The following POLN variants were observed in gnomAD, a reference collection of about 807,000 sequenced individuals.
POLN encodes DNA polymerase nu.
A neutral mutation model predicts 113.5 loss-of-function variants in POLN; 108 were observed. That is an observed-to-expected ratio of 0.95 (90% CI 0.81 to 1.12). The LOEUF is 1.12. Ranked by LOEUF, POLN falls within the 50% of genes most tolerant of loss-of-function variation. The probability of loss-of-function intolerance (pLI) is 0.00; values close to 1 mark genes in which losing one functional copy is unlikely to be tolerated. For synonymous variants in POLN, 386 were observed against 391.5 expected (o/e 0.99, Z 0.17); for missense variants, 1,097 against 1,077.1 (o/e 1.02, Z -0.26).
chr4:2,215,096 T>C (rs1349508192), intron 3 of POLN, among the ~76,000 whole-genome samples: 1 of 152,132 alleles, frequency 6.6e-6, no homozygotes, highest in African/African-American at 2.4e-5. Context: ...CCAAAATGTT[T>C]ATAGCAGTAT....
intron 16 of POLN, among the ~76,000 whole-genome samples, chr4:2,148,739 A>G (rs941021746): frequency 3.3e-5 from 5 of 152,174 alleles, no homozygotes; most frequent in African/African-American, 1.2e-4. Flanking sequence ...ACCATAAACC[A>G]AAGATCCAAG....
At chr4:2,080,697 C>A in intron 23 of POLN, 5 of 1,371,668 alleles carry the variant, frequency 3.6e-6, no homozygotes, top group Non-Finnish European at 4.7e-6. Flanking sequence ...TGTGCAGACA[C>A]CCCGAGGAGG....
intron 4 of POLN, among the ~76,000 whole-genome samples, chr4:2,212,015 A>C (rs1418941320): frequency 6.6e-6 from 1 of 152,148 alleles, no homozygotes; most frequent in African/African-American, 2.4e-5. Flanking sequence ...GCAGATAATC[A>C]TCCTATGAAC....
chr4:2,183,022 A>G (rs974389590), intron 7 of POLN, among the ~76,000 whole-genome samples: 1 of 152,240 alleles, frequency 6.6e-6, no homozygotes, highest in South Asian at 2.1e-4. Flanking sequence ...TCCCCAAAAA[A>G]AGATATAAAA....
At chr4:2,240,175 TCTC>T in intron 2 of POLN, 2 of 1,614,060 alleles carry the variant, frequency 1.2e-6, no homozygotes, top group Non-Finnish European at 1.7e-6. Context: ...TCTAGTCGTC[TCTC>T]CTCAAGGATT....
chr4:2,109,099 A>G (rs1443730430), intron 19 of POLN, among the ~76,000 whole-genome samples: 2 of 152,226 alleles, frequency 1.3e-5, no homozygotes, highest in Non-Finnish European at 2.9e-5. Context: ...TTTGGAAGGA[A>G]TTAGATGTGC....
At chr4:2,178,334 G>A (rs1224122596) in intron 8 of POLN, among the ~76,000 whole-genome samples, 2 of 152,344 alleles carry the variant, frequency 1.3e-5, no homozygotes, top group Middle Eastern at 3.4e-3. Context: ...GCTTTGCTGT[G>A]ATTGCTTGAG....
chr4:2,134,170 G>A (rs1032646217), intron 16 of POLN, among the ~76,000 whole-genome samples: 1 of 152,134 alleles, frequency 6.6e-6, no homozygotes, highest in African/African-American at 2.4e-5. Context: ...ATTCATCCAT[G>A]CCTTTTTATG....
intron 2 of POLN, chr4:2,234,645 G>T (rs926391134): frequency 2.0e-5 from 3 of 152,052 alleles, no homozygotes; most frequent in Non-Finnish European, 4.4e-5. Flanking sequence ...GTAAAGAAAA[G>T]AAAACTATAT....
intron 7 of POLN, 92 bp downstream of exon 7, chr4:2,193,110 TTG>T (rs1341271589): frequency 8.7e-6 from 8 of 919,790 alleles, no homozygotes; most frequent in Non-Finnish European, 1.3e-5. Flanking sequence ...CCTCCAGGAG[TTG>T]TGTGACATGG....
At chr4:2,132,378 C>A (rs1047473890) in intron 16 of POLN, among the ~76,000 whole-genome samples, 3 of 152,110 alleles carry the variant, frequency 2.0e-5, no homozygotes, top group Admixed American at 6.6e-5. Context: ...ATTGTGTTCT[C>A]TTAGTTCCTA....
chr4:2,217,222 C>A (rs1287200966), intron 3 of POLN, among the ~76,000 whole-genome samples: 2 of 152,164 alleles, frequency 1.3e-5, no homozygotes, highest in Non-Finnish European at 2.9e-5. Context: ...TCCTTCCACA[C>A]AAAGTAGATA....
intron 19 of POLN, among the ~76,000 whole-genome samples, chr4:2,097,377 G>C (rs1377310183): frequency 1.4e-5 from 2 of 143,608 alleles, no homozygotes; most frequent in Non-Finnish European, 3.0e-5. Context: ...TTGAGACAGA[G>C]TCTTACTCTG....
chr4:2,124,861 C>G (rs2108721743), intron 19 of POLN, among the ~76,000 whole-genome samples: 1 of 152,236 alleles, frequency 6.6e-6, no homozygotes, highest in East Asian at 1.9e-4. Flanking sequence ...ATGTGAGGAG[C>G]TCCAGGCTTC....
intron 2 of POLN, chr4:2,236,567 TA>T: frequency 1.4e-6 from 1 of 737,806 alleles, no homozygotes. Context: ...TAACAACTTA[TA>T]AAAATATTGG....
At chr4:2,241,869 A>G in intron 1 of POLN, 79 bp from the exon 2 acceptor site, 1 of 985,456 alleles carries the variant, frequency 1.0e-6, no homozygotes. Flanking sequence ...GGCCCCGCAC[A>G]GCCCCCGCCC....
Position 2,157,462 on chromosome 4 carries a change from C to T in POLN, c.1665+396G>A, listed in dbSNP as rs1049996356. ...ATTATTTCGGCTGGGTGAGGTAGCT[C>T]ACGCCTGTAATCCCAACACTTTGGG... On this transcript the variant is annotated intron_variant, in intron 15 of 25. Coordinates refer to ENST00000511885, the MANE Select transcript of POLN (RefSeq NM_181808.4). 5.3e-5 allele frequency among the ~76,000 whole-genome samples: 8 copies of T among 152,128 alleles called. 1 individual carries two copies. The highest frequency in any genetic ancestry group is 5.2e-4 in the Admixed American group (8 of 15,276).
chr4:2,185,929 G>A (rs1733261781), intron 7 of POLN, among the ~76,000 whole-genome samples: 2 of 152,110 alleles, frequency 1.3e-5, no homozygotes, highest in East Asian at 3.9e-4. Flanking sequence ...TTACCAAAAT[G>A]GTAGAACACA....
chr4:2,240,655 C>G lies in POLN; in HGVS notation c.-13+865G>C. The G allele has an allele frequency of 2.5e-6, 4 of 1,613,920 alleles. 1 individual carries two copies. The highest frequency in any genetic ancestry group is 1.3e-5 in the African/African-American group (1 of 75,008). On this transcript the variant is annotated intron_variant, in intron 2 of 25. Coordinates refer to ENST00000511885, the MANE Select transcript of POLN (RefSeq NM_181808.4). Reference sequence around the variant, plus strand: ...ACCTCATCCTCTAATTTCTCCAGCTCTTTATCATCCAGTCTAGGTGTCTTC... The same window carrying G: ...ACCTCATCCTCTAATTTCTCCAGCTGTTTATCATCCAGTCTAGGTGTCTTC...
Sources: allele counts gnomAD v4.1 joint callset (sites outside exome capture counted in the v4.1 genomes callset), GRCh38; gene constraint gnomAD v4.1.1; transcripts MANE v1.5; gene names NCBI Gene and HGNC (gene_info 2026-07-23, HGNC 2026-07-21).